The following HNF4A variants were observed in gnomAD, a reference collection of about 807,000 sequenced individuals.
HNF4A encodes hepatocyte nuclear factor 4-alpha.
In HNF4A, 15 loss-of-function variants were observed where a neutral mutation model predicts 52.4. The ratio of observed to expected loss-of-function variants is 0.29; its 90% CI spans 0.19 to 0.44. HNF4A has a LOEUF of 0.44. HNF4A is among the 20% of genes least tolerant of loss of function. The pLI is 1.00. For synonymous variants in HNF4A, 280 were observed against 264.4 expected, an observed-to-expected ratio of 1.06 and a Z score of -0.57; for missense variants, 479 against 647.2, an observed-to-expected ratio of 0.74 and a Z score of 2.82.
chr20:44,404,793 C>G (rs115511977), intron 1 of HNF4A, among the ~76,000 whole-genome samples: 5 of 72 alleles, frequency 0.069, no homozygotes, highest in Non-Finnish European at 0.087. Context: ...GTGCGTGTGT[C>G]TGTGTGGTGT....
chr20:44,404,831 G>GT (rs1568720155), intron 1 of HNF4A, among the ~76,000 whole-genome samples: 3 of 612 alleles, frequency 4.9e-3, no homozygotes, highest in Non-Finnish European at 0.013. Flanking sequence ...TGTGAACTGT[G>GT]GTGTGTGTGT....
At chr20:44,417,968 C>CAAAA (rs544063850) in intron 5 of HNF4A, among the ~76,000 whole-genome samples, 4 of 74,418 alleles carry the variant, frequency 5.4e-5, no homozygotes, top group Non-Finnish European at 1.1e-4. Flanking sequence ...GACTCTGTCT[C>CAAAA]AAAAAAAAAA....
At chr20:44,401,196 A>G, upstream of HNF4A, 1 of 1,481,972 alleles carries the variant, frequency 6.7e-7, no homozygotes, top group Non-Finnish European at 8.9e-7. Context: ...CCTCCCCGGC[A>G]GAGCCTCCAC....
chr20:44,381,166 T>C (rs2063148388), intron 1 of HNF4A, among the ~76,000 whole-genome samples: 1 of 152,124 alleles, frequency 6.6e-6, no homozygotes. Context: ...TTTCCTGTGG[T>C]AGAACAATTG....
Position 44,429,994 on chromosome 20 carries a change from T to C in HNF4A, c.*329T>C, listed in dbSNP as rs948404137. On this transcript the variant is annotated 3_prime_UTR_variant, in exon 10 of 10. Coordinates refer to ENST00000316099, the MANE Select transcript of HNF4A (RefSeq NM_000457.6). The stretch of plus-strand genomic sequence containing the variant: ...AAAGGACAGCCGCCTGGAGATGACT[T>C]GAGGCCTTACTTAAACCCAGCTCCC... 1.5e-5 allele frequency: 5 copies of C among 343,384 alleles called. No homozygotes were observed. The highest frequency in any genetic ancestry group is 2.7e-5 in the Non-Finnish European group (5 of 185,484). The allele number at this position is 343,384 out of a possible 1,614,324, so 21.3% of individuals were successfully genotyped here. A position where few individuals can be genotyped will look rare whatever the true frequency, so the allele number is the denominator to read the frequency against.
chr20:44,363,060 T>C (rs2062934987), intron 1 of HNF4A, among the ~76,000 whole-genome samples: 2 of 152,058 alleles, frequency 1.3e-5, no homozygotes, highest in Non-Finnish European at 2.9e-5. Flanking sequence ...TTCACCATGT[T>C]CGCCAGGCTA....
In HNF4A at chr20:44,406,152, A is replaced by G. The variant is rs1459128777; in HGVS notation, c.210A>G (p.Lys70=). ...TCTGCGGGGACCGGGCCACGGGCAAACACTACGGTGCCTCGAGCTGTGACG... is the reference window on the plus strand; with the variant it reads ...TCTGCGGGGACCGGGCCACGGGCAAGCACTACGGTGCCTCGAGCTGTGACG... The change falls in exon 2 of 10, where the codon AAA becomes AAG. Residue 70 remains lysine (K), a synonymous_variant. Transcript: ENST00000316099. 1.2e-6 allele frequency: 2 copies of G among 1,613,846 alleles called. No homozygotes were observed. The highest frequency in any genetic ancestry group is 1.7e-6 in the Non-Finnish European group (2 of 1,180,030).
At chr20:44,389,385 AGAT>A (rs1239677937) in intron 1 of HNF4A, among the ~76,000 whole-genome samples, 1 of 152,258 alleles carries the variant, frequency 6.6e-6, no homozygotes, top group Non-Finnish European at 1.5e-5. Flanking sequence ...TATGAGTGTC[AGAT>A]GAACACCACA....
At chr20:44,371,875 G>C (rs188048205) in intron 1 of HNF4A, among the ~76,000 whole-genome samples, 2 of 152,066 alleles carry the variant, frequency 1.3e-5, no homozygotes, top group African/African-American at 2.4e-5. Flanking sequence ...AAAAGTGAAG[G>C]TCTAGCAACA....
At chr20:44,420,439 C>T (rs1016540413) in intron 7 of HNF4A, among the ~76,000 whole-genome samples, 1 of 152,100 alleles carries the variant, frequency 6.6e-6, no homozygotes, top group East Asian at 1.9e-4. Context: ...TTCCCATCTT[C>T]CTCTTTTCTT....
intron 1 of HNF4A, among the ~76,000 whole-genome samples, chr20:44,368,137 T>TATAA (rs2062990408): frequency 2.4e-5 from 1 of 41,558 alleles, no homozygotes; most frequent in Non-Finnish European, 4.5e-5. Flanking sequence ...TGTGTGTGTA[T>TATAA]ATACATATAT....
chr20:44,384,955 T>A (rs979083163), intron 1 of HNF4A, among the ~76,000 whole-genome samples: 2 of 151,442 alleles, frequency 1.3e-5, no homozygotes, highest in Non-Finnish European at 2.9e-5. Context: ...ACAACATTAT[T>A]CTGATGAGCA....
In HNF4A at chr20:44,418,452, G is replaced by A. The variant is rs753476712; in HGVS notation, c.676G>A (p.Glu226Lys). 4 of 1,613,896 alleles carry A rather than the reference G, an allele frequency of 2.5e-6. No individual in the cohort carries two copies. Among genetic ancestry groups the A allele is most frequent in the Admixed American group, 1.7e-5 (1 of 60,016 alleles). Residue 226 changes from glutamate (E) to lysine (K), a missense_variant, in exon 6 of 10, where the codon GAG becomes AAG. Transcript: ENST00000316099. ...GGCCCTGCTCAGAGCCCATGCTGGC[G>A]AGCACCTGCTGCTCGGAGCCACCAA...
intron 8 of HNF4A, among the ~76,000 whole-genome samples, chr20:44,424,915 G>A (rs1390613242): frequency 6.6e-6 from 1 of 152,228 alleles, no homozygotes; most frequent in Non-Finnish European, 1.5e-5. Context: ...ATATGGCTTT[G>A]TCAGCCTTTT....
intron 3 of HNF4A, 142 bp downstream of exon 3, chr20:44,407,617 G>A (rs2063520020): frequency 1.4e-6 from 1 of 720,262 alleles, no homozygotes; most frequent in Non-Finnish European, 2.5e-6. Context: ...AAGAGGGAGG[G>A]CCTGGAAATC....
At chr20:44,396,210 T>C (rs1224647813) in intron 1 of HNF4A, among the ~76,000 whole-genome samples, 2 of 152,208 alleles carry the variant, frequency 1.3e-5, no homozygotes, top group African/African-American at 4.8e-5. Context: ...TTCACCTCTC[T>C]GAGCCTCAAT....
In HNF4A at chr20:44,429,753, C is replaced by T. The variant is rs368269334; in HGVS notation, c.*88C>T. 7 of 1,367,330 alleles carry T rather than the reference C, an allele frequency of 5.1e-6. No individual in the cohort carries two copies. The highest frequency in any genetic ancestry group is 1.4e-5 in the African/African-American group (1 of 70,102). The allele number at this position is 1,367,330 out of a possible 1,614,324, so 84.7% of individuals were successfully genotyped here. On this transcript the variant is annotated 3_prime_UTR_variant, in exon 10 of 10. Transcript: ENST00000316099. The stretch of plus-strand genomic sequence containing the variant: ...ATCACGTGGTCACGGCAAAGGAAGA[C>T]GTGATGCCAGGACCAGTCCCAGAGC...
chr20:44,358,101 C>T (rs2062877098), intron 1 of HNF4A, among the ~76,000 whole-genome samples: 1 of 145,984 alleles, frequency 6.9e-6, no homozygotes, highest in Non-Finnish European at 1.5e-5. Flanking sequence ...TAAAATACAC[C>T]TGGGTTAGCA....
intron 4 of HNF4A, among the ~76,000 whole-genome samples, chr20:44,414,111 G>A (rs2063626158): frequency 6.6e-6 from 1 of 152,252 alleles, no homozygotes; most frequent in Non-Finnish European, 1.5e-5. Flanking sequence ...GCTCAGTGGA[G>A]AGAGGTGGCA....
Sources: allele counts gnomAD v4.1 joint callset (sites outside exome capture counted in the v4.1 genomes callset), GRCh38; gene constraint gnomAD v4.1.1; transcripts MANE v1.5; gene names NCBI Gene and HGNC (gene_info 2026-07-23, HGNC 2026-07-21).